ARSB: variants seen among roughly 807,000 people sequenced by gnomAD.
The protein encoded by ARSB is arylsulfatase B.
Under a neutral mutation model 50.9 loss-of-function variants are expected in ARSB, and 41 were observed. The observed-to-expected ratio is 0.81, with a 90% confidence interval of 0.63 to 1.04. The LOEUF is 1.04. Ranked by LOEUF, ARSB falls within the 50% of genes least tolerant of loss-of-function variation. ARSB has a pLI of 0.00. For synonymous variants in ARSB, 269 were observed against 284.8 expected (o/e 0.94, Z 0.56); for missense variants, 672 against 693.3 (o/e 0.97, Z 0.35).
At chr5:78,882,950 G>C (rs981639220) in intron 5 of ARSB, 4 of 151,774 alleles carry the variant, frequency 2.6e-5, no homozygotes, top group African/African-American at 9.7e-5. Context: ...CACCCGGCTA[G>C]TTTTTATATT....
chr5:78,791,897 G>A (rs1248164605), intron 6 of ARSB, among the ~76,000 whole-genome samples: 1 of 152,180 alleles, frequency 6.6e-6, no homozygotes, highest in African/African-American at 2.4e-5. Flanking sequence ...GTGCACAGCT[G>A]TTTTGGATGG....
At chr5:78,932,083 T>C (rs887811712) in intron 4 of ARSB, among the ~76,000 whole-genome samples, 4 of 152,214 alleles carry the variant, frequency 2.6e-5, no homozygotes, top group African/African-American at 9.6e-5. Flanking sequence ...AATGGACTAA[T>C]ACACTGATTT....
intron 3 of ARSB, among the ~76,000 whole-genome samples, chr5:78,963,960 A>C (rs764322355): frequency 3.3e-5 from 5 of 152,156 alleles, no homozygotes; most frequent in Non-Finnish European, 5.9e-5. Context: ...CTGATCCCAA[A>C]ATTTATGGAT....
intron 6 of ARSB, among the ~76,000 whole-genome samples, chr5:78,828,624 C>A (rs1402758432): frequency 6.6e-6 from 1 of 151,820 alleles, no homozygotes; most frequent in East Asian, 2.0e-4. Context: ...CAACTGTTAT[C>A]TGATTTTCTT....
chr5:78,897,110 T>G (rs1322987417), intron 4 of ARSB, among the ~76,000 whole-genome samples: 2 of 152,296 alleles, frequency 1.3e-5, no homozygotes, highest in South Asian at 4.1e-4. Flanking sequence ...ATATTAATTA[T>G]ATATTAAAAC....
intron 6 of ARSB, among the ~76,000 whole-genome samples, chr5:78,795,238 G>T (rs187589098): frequency 3.1e-4 from 47 of 152,314 alleles, no homozygotes; most frequent in African/African-American, 1.1e-3. Flanking sequence ...GCCCAGCAGA[G>T]GTGGCCAATG....
chr5:78,946,284 T>A (rs1422046776), intron 4 of ARSB, among the ~76,000 whole-genome samples: 1 of 152,094 alleles, frequency 6.6e-6, no homozygotes, highest in African/African-American at 2.4e-5. Context: ...GCATCCAGAT[T>A]GGAAAGAAAG....
chr5:78,890,528 C>T (rs1203582372), intron 4 of ARSB, among the ~76,000 whole-genome samples: 2 of 152,162 alleles, frequency 1.3e-5, no homozygotes, highest in Admixed American at 1.3e-4. Flanking sequence ...CAGCCCATTG[C>T]TTTAGGTCAG....
chr5:78,848,970 T>C (rs1322282055), intron 5 of ARSB, among the ~76,000 whole-genome samples: 1 of 152,206 alleles, frequency 6.6e-6, no homozygotes, highest in Non-Finnish European at 1.5e-5. Flanking sequence ...TATTAGCCCT[T>C]TGTCAGATGA....
chr5:78,962,524 ATTT>A (rs10683109), intron 3 of ARSB, among the ~76,000 whole-genome samples: 4 of 106,218 alleles, frequency 3.8e-5, no homozygotes, highest in Non-Finnish European at 3.5e-5. Context: ...CATGTGCTCG[ATTT>A]TTTTTTTTTT....
chr5:78,885,360 A>C, intron 5 of ARSB: 1 of 652,100 alleles, frequency 1.5e-6, no homozygotes, highest in African/African-American at 1.8e-5. Flanking sequence ...CGATGGGCTG[A>C]GGACAATCTT....
chr5:78,788,925 C>G (rs1383427959), intron 6 of ARSB, among the ~76,000 whole-genome samples: 1 of 152,188 alleles, frequency 6.6e-6, no homozygotes, highest in Admixed American at 6.5e-5. Flanking sequence ...AGCCACCACA[C>G]CTGGCCTACA....
intron 6 of ARSB, among the ~76,000 whole-genome samples, chr5:78,789,389 G>T (rs1397295161): frequency 6.6e-6 from 1 of 152,214 alleles, no homozygotes. Context: ...TTCATGCTCA[G>T]AGAGAAGAGC....
chr5:78,865,236 T>C (rs6862636), intron 5 of ARSB, among the ~76,000 whole-genome samples: 330 of 152,308 alleles, frequency 2.2e-3, no homozygotes, highest in Middle Eastern at 0.017. Flanking sequence ...ACACATCTTC[T>C]GAAATATAGG....
intron 5 of ARSB, among the ~76,000 whole-genome samples, chr5:78,877,793 G>T (rs951364028): frequency 6.6e-6 from 1 of 152,124 alleles, no homozygotes; most frequent in African/African-American, 2.4e-5. Flanking sequence ...AAATATGACC[G>T]GTATAATGAG....
At position 78,867,251 on chromosome 5, in the gene ARSB, G is replaced by A. The variant is rs571109319; in HGVS notation, c.1142+18333C>T. Among the ~76,000 whole-genome samples the A allele has an allele frequency of 8.3e-4, 126 of 152,306 alleles. 3 individuals carry two copies. In the South Asian group the frequency reaches 0.022, roughly 26 times the overall value. ...CAGCGAGGCTGGGGGAGAGGCGCCC[G>A]CCATTGCCCAGGCTTGCTTAGGTAA... On this transcript the variant is annotated intron_variant, in intron 5 of 7. Transcript: ENST00000264914.
At chr5:78,938,271 T>A (rs905199818) in intron 4 of ARSB, among the ~76,000 whole-genome samples, 1 of 152,186 alleles carries the variant, frequency 6.6e-6, no homozygotes, top group Non-Finnish European at 1.5e-5. Context: ...TTTCACTCAA[T>A]AAAATAATCA....
intron 5 of ARSB, among the ~76,000 whole-genome samples, chr5:78,850,522 T>G (rs1179333210): frequency 6.6e-6 from 1 of 152,234 alleles, no homozygotes; most frequent in Non-Finnish European, 1.5e-5. Flanking sequence ...AAAATTCTCT[T>G]TTTTGGTTGT....
chr5:78,853,208 T>C (rs573748820), intron 5 of ARSB, among the ~76,000 whole-genome samples: 2 of 152,228 alleles, frequency 1.3e-5, no homozygotes, highest in Non-Finnish European at 2.9e-5. Flanking sequence ...TGGTCTTTGA[T>C]GATGGTGATG....
Sources: allele counts gnomAD v4.1 joint callset (sites outside exome capture counted in the v4.1 genomes callset), GRCh38; gene constraint gnomAD v4.1.1; transcripts MANE v1.5; gene names NCBI Gene and HGNC (gene_info 2026-07-23, HGNC 2026-07-21).